Variants in LZTS1 observed in about 807,000 individuals in gnomAD.
The protein encoded by LZTS1 is leucine zipper putative tumor suppressor 1.
Under a neutral mutation model 45.8 loss-of-function variants are expected in LZTS1, and 31 were observed. That is an observed-to-expected ratio of 0.68 (90% CI 0.51 to 0.91). The LOEUF (loss-of-function observed/expected upper bound fraction) is 0.91, where lower values mean the gene tolerates loss of function less well. Ranked by LOEUF, LZTS1 falls within the 40% of genes least tolerant of loss-of-function variation. The pLI, the probability that LZTS1 is intolerant of heterozygous loss-of-function variation, is 0.00. For synonymous variants in LZTS1, 359 were observed against 357.3 expected (o/e 1.00, Z -0.05); for missense variants, 821 against 788.9 (o/e 1.04, Z -0.49).
chr8:20,262,730 G>A (rs1690281938), intron 1 of LZTS1, among the ~76,000 whole-genome samples: 1 of 152,154 alleles, frequency 6.6e-6, no homozygotes, highest in Non-Finnish European at 1.5e-5. Flanking sequence ...GGGTGCTACT[G>A]TTATTCCATG....
At chr8:20,264,073 A>T (rs1036775969) in intron 1 of LZTS1, among the ~76,000 whole-genome samples, 24 of 152,228 alleles carry the variant, frequency 1.6e-4, no homozygotes, top group African/African-American at 5.8e-4. Context: ...TTTGAGTGGG[A>T]ACATTTTTGG....
intron 1 of LZTS1, among the ~76,000 whole-genome samples, chr8:20,288,214 G>A (rs982651205): frequency 8.5e-5 from 13 of 152,256 alleles, no homozygotes; most frequent in African/African-American, 3.1e-4. Flanking sequence ...ACACAGCTGG[G>A]GGATTCTGAA....
At position 20,253,166 on chromosome 8, in the gene LZTS1, G is replaced by A. The variant is rs1221681558; in HGVS notation, c.765C>T (p.Pro255=). 4 of 1,613,174 alleles carry A rather than the reference G, an allele frequency of 2.5e-6. No homozygotes were observed. The highest frequency in any genetic ancestry group is 3.4e-6 in the Non-Finnish European group (4 of 1,179,972). The change falls in exon 3 of 4, where the codon CCC becomes CCT. Residue 255 remains proline, a synonymous_variant. Coordinates refer to ENST00000381569, the MANE Select transcript of LZTS1 (RefSeq NM_021020.5). ...GGATGCTGCACTCGTCCGTGGAGAT[G>A]GGGGAGCGGACACACGAGGGGCCCT... ...ADKGPSCVRS[P]ISTDECSIQE... is the part of the protein sequence containing the mutation.
chr8:20,300,243 G>A (rs568452484), intron 1 of LZTS1, among the ~76,000 whole-genome samples: 3 of 152,274 alleles, frequency 2.0e-5, no homozygotes, highest in South Asian at 2.1e-4. Context: ...CCTGCCAAAG[G>A]TCTCTGAGAG....
chr8:20,268,416 C>A (rs1051496800), intron 1 of LZTS1, among the ~76,000 whole-genome samples: 2 of 152,050 alleles, frequency 1.3e-5, no homozygotes, highest in Non-Finnish European at 2.9e-5. Flanking sequence ...TCCCCCTCCC[C>A]CCATACATAC....
chr8:20,279,681 C>CAACTCAAA (rs1800649693), intron 1 of LZTS1, among the ~76,000 whole-genome samples: 3 of 70,956 alleles, frequency 4.2e-5, no homozygotes, highest in Non-Finnish European at 7.6e-5. Flanking sequence ...GACCCTGTCT[C>CAACTCAAA]AAAAAAAAAA....
At chr8:20,284,627 C>A (rs1168197653) in intron 1 of LZTS1, among the ~76,000 whole-genome samples, 1 of 152,016 alleles carries the variant, frequency 6.6e-6, no homozygotes, top group African/African-American at 2.4e-5. Flanking sequence ...GTAGACCTGA[C>A]CTCGGGGTAC....
chr8:20,260,777 G>T lies in LZTS1; in HGVS notation c.-134-5462C>A, dbSNP rs1800211812. ...GACAATGCCAGGAGCCCAGGAGAGGGGTGACTGAAGAATGGCCACCTCCAG... is the reference window on the plus strand; with the variant it reads ...GACAATGCCAGGAGCCCAGGAGAGGTGTGACTGAAGAATGGCCACCTCCAG... On this transcript the variant is annotated intron_variant, in intron 1 of 3. Transcript: ENST00000381569. Among the ~76,000 whole-genome samples the T allele has an allele frequency of 2.6e-5, 4 of 152,146 alleles. No individual in the cohort carries two copies. In the South Asian group the frequency reaches 8.3e-4, roughly 32 times the overall value.
chr8:20,255,083 C>T lies in LZTS1; in HGVS notation c.99G>A (p.Lys33=). 6.2e-7 allele frequency: 1 copy of T among 1,614,208 alleles called. No homozygotes were observed. Among genetic ancestry groups the T allele is most frequent in the Non-Finnish European group, 8.5e-7 (1 of 1,180,046 alleles). The change falls in exon 2 of 4, where the codon AAG becomes AAA. Residue 33 remains lysine (K), a synonymous_variant. Transcript: ENST00000381569. The part of the protein sequence containing the change: ...YKLRKSSHLK[K]LNRYSDGLLR... ...GCAGCCCGTCGGAATACCGGTTGAG[C>T]TTCTTGAGGTGGGAGGACTTGCGCA...
rs1799830274 is a variant in LZTS1, at chr8:20,249,714, G to T, written c.*8C>A. 6.3e-7 allele frequency: 1 copy of T among 1,590,254 alleles called. No homozygotes were observed. ...CAGGTCCCCAGACTCGCCTTCCCAG[G>T]CAGCCCCTCAGATCTCAGTGGCTAT... On this transcript the variant is annotated 3_prime_UTR_variant, in exon 4 of 4. Coordinates refer to ENST00000381569, the MANE Select transcript of LZTS1 (RefSeq NM_021020.5).
At chr8:20,280,428 T>A (rs1800664752) in intron 1 of LZTS1, among the ~76,000 whole-genome samples, 1 of 152,150 alleles carries the variant, frequency 6.6e-6, no homozygotes, top group Non-Finnish European at 1.5e-5. Flanking sequence ...CCCTTACAAC[T>A]TGCTCATTCA....
At chr8:20,286,184 A>G (rs1166739630) in intron 1 of LZTS1, among the ~76,000 whole-genome samples, 1 of 152,250 alleles carries the variant, frequency 6.6e-6, no homozygotes. Context: ...CAAAGGTCTC[A>G]ACTTGGAATG....
intron 1 of LZTS1, among the ~76,000 whole-genome samples, chr8:20,264,955 C>T (rs528425401): frequency 3.2e-4 from 49 of 152,164 alleles, no homozygotes; most frequent in African/African-American, 1.1e-3. Flanking sequence ...GGGGTGTGTA[C>T]GTGTGTGTGT....
intron 1 of LZTS1, among the ~76,000 whole-genome samples, chr8:20,266,877 G>A (rs1800368200): frequency 6.6e-6 from 1 of 152,144 alleles, no homozygotes; most frequent in South Asian, 2.1e-4. Context: ...GGATGCCAAG[G>A]TGGGCAGATC....
At chr8:20,294,172 CCTAGAGTTGGAGGTCCTGTCTGCGGCT>C (rs1800944466) in intron 1 of LZTS1, among the ~76,000 whole-genome samples, 1 of 152,052 alleles carries the variant, frequency 6.6e-6, no homozygotes, top group African/African-American at 2.4e-5. Flanking sequence ...ATCTTAGGAC[CCTAGAGTTGGAGGTCCTGTCTGCGGCT>C]CTAGAATAGA....
intron 2 of LZTS1, 46 bp from the exon 3 acceptor site, chr8:20,253,631 G>A (rs201207538): frequency 6.8e-4 from 938 of 1,385,760 alleles, no homozygotes; most frequent in Non-Finnish European, 8.6e-4. Flanking sequence ...CCCTGCGCGC[G>A]CATTGCACCC....
At chr8:20,257,538 A>T (rs1277256524) in intron 1 of LZTS1, among the ~76,000 whole-genome samples, 6 of 152,162 alleles carry the variant, frequency 3.9e-5, no homozygotes, top group Non-Finnish European at 8.8e-5. Flanking sequence ...TTACAGCCTT[A>T]ATGTTGAGAA....
chr8:20,254,301 A>G (rs2645388), intron 2 of LZTS1, among the ~76,000 whole-genome samples: 43,310 of 152,046 alleles, frequency 0.28, 6,645 homozygotes, highest in East Asian at 0.42. Context: ...CTTTGCCCTA[A>G]TCTCTGGTAA....
chr8:20,291,844 T>G (rs1016851285), intron 1 of LZTS1, among the ~76,000 whole-genome samples: 1 of 33,534 alleles, frequency 3.0e-5, no homozygotes, highest in East Asian at 4.6e-4. Flanking sequence ...AAAATCATGG[T>G]TTTTTTTGCC....
Sources: allele counts gnomAD v4.1 joint callset (sites outside exome capture counted in the v4.1 genomes callset), GRCh38; gene constraint gnomAD v4.1.1; transcripts MANE v1.5; gene names NCBI Gene and HGNC (gene_info 2026-07-23, HGNC 2026-07-21).